SPINK5: variants seen among roughly 807,000 people sequenced by gnomAD.
SPINK5 encodes serine protease inhibitor Kazal-type 5.
Under a neutral mutation model 151.8 loss-of-function variants are expected in SPINK5, and 125 were observed. That is an observed-to-expected ratio of 0.82 (90% CI 0.71 to 0.96). The LOEUF is 0.96. Among genes scored for constraint, SPINK5 ranks in the 40% least tolerant of loss-of-function variants. The pLI is 0.00. For missense variants in SPINK5, 1,194 were observed against 1,291.9 expected (o/e 0.92, Z 1.16); for synonymous variants, 374 against 395.3 (o/e 0.95, Z 0.64).
chr5:148,084,826 T>C (rs1316975702), intron 4 of SPINK5, among the ~76,000 whole-genome samples: 2 of 151,902 alleles, frequency 1.3e-5, no homozygotes, highest in Non-Finnish European at 2.9e-5. Context: ...CAAATGTTTT[T>C]GCCACTATAT....
At position 148,123,511 on chromosome 5, in the gene SPINK5, CAATATATGTGTATATATA is replaced by C. The variant is rs1440032482; in HGVS notation, c.2539-321_2539-304del. ...TTGTCCAGCCTGGAGTGCAGTGGTG[CAATATATGTGTATATATA>C]TATATATATATATATATATATAATC... is the stretch of plus-strand genomic sequence containing the variant. On this transcript the variant is annotated intron_variant, in intron 26 of 32. Transcript: ENST00000256084. 1.7e-4 allele frequency among the ~76,000 whole-genome samples: 9 copies of C among 53,438 alleles called. No homozygotes were observed. In the East Asian group the frequency reaches 2.5e-3, roughly 15 times the overall value. 35.1% of individuals were successfully genotyped at this position (53,438 alleles called of 152,430 possible).
rs776454830 is a variant in SPINK5, at chr5:148,123,978, T to C, written c.2666+18T>C. On this transcript the variant is annotated intron_variant, in intron 27 of 32. Coordinates refer to ENST00000256084, the MANE Select transcript of SPINK5 (RefSeq NM_006846.4). ...AGCATCTTGTACGTAAAAAGGTTTATCAATAAATTTGATAGTTGTGCCTGT... is the reference window on the plus strand; with the variant it reads ...AGCATCTTGTACGTAAAAAGGTTTACCAATAAATTTGATAGTTGTGCCTGT... The C allele has an allele frequency of 3.7e-6, 6 of 1,613,292 alleles. No individual in the cohort carries two copies. Among genetic ancestry groups the C allele is most frequent in the Non-Finnish European group, 4.2e-6 (5 of 1,179,714 alleles).
chr5:148,090,251 G>C (rs1166519986), intron 7 of SPINK5, among the ~76,000 whole-genome samples: 3 of 151,774 alleles, frequency 2.0e-5, no homozygotes, highest in African/African-American at 7.3e-5. Flanking sequence ...ACCTTAAATT[G>C]CTATATTTAC....
chr5:148,120,799 A>G (rs1754237466), intron 26 of SPINK5, among the ~76,000 whole-genome samples: 1 of 152,130 alleles, frequency 6.6e-6, no homozygotes, highest in South Asian at 2.1e-4. Flanking sequence ...TTAAACAAAT[A>G]AATATCAAGC....
chr5:148,133,037 T>A (rs11168032), intron 31 of SPINK5, among the ~76,000 whole-genome samples: 77,721 of 151,944 alleles, frequency 0.51, 22,018 homozygotes, highest in Non-Finnish European at 0.63. Context: ...ATCAACTTTA[T>A]AGACCCATAA....
At chr5:148,083,082 T>C (rs1261026476) in intron 4 of SPINK5, among the ~76,000 whole-genome samples, 2 of 151,362 alleles carry the variant, frequency 1.3e-5, no homozygotes. Context: ...CTGTTTGTTA[T>C]TGTTTGACAT....
intron 32 of SPINK5, 160 bp downstream of exon 32, chr5:148,134,047 A>T (rs1161315588): frequency 1.4e-6 from 1 of 718,902 alleles, no homozygotes; most frequent in South Asian, 1.5e-5. Context: ...AAGGATAATT[A>T]AGTAATTACT....
chr5:148,097,890 T>A lies in SPINK5; in HGVS notation c.906T>A (p.Asn302Lys), dbSNP rs760191726. Residue 302 changes from asparagine (N) to lysine (K), a missense_variant, in exon 11 of 33, where the codon AAT becomes AAA. Transcript: ENST00000256084. ...AGAAACTCTGCAGTCAATATCAAAA[T>A]CAGGCAAAGAATGGAATACTTTTCT... ...EIVKLCSQYQ[N>K]QAKNGILFCT... The A allele has an allele frequency of 3.7e-6, 6 of 1,611,542 alleles. No homozygotes were observed. The highest frequency in any genetic ancestry group is 4.2e-6 in the Non-Finnish European group (5 of 1,178,136).
chr5:148,099,122 G>T, intron 11 of SPINK5, 112 bp from the exon 12 acceptor site: 2 of 945,800 alleles, frequency 2.1e-6, no homozygotes, highest in South Asian at 2.9e-5. Context: ...GTGATAAAGG[G>T]ACAAAATTGT....
chr5:148,117,949 ATAAT>A (rs1340840777), intron 22 of SPINK5, among the ~76,000 whole-genome samples: 5 of 152,098 alleles, frequency 3.3e-5, no homozygotes, highest in Admixed American at 3.3e-4. Flanking sequence ...CTCATCTCTT[ATAAT>A]TACAACATGG....
At position 148,101,409 on chromosome 5, in the gene SPINK5, A is replaced by G; in HGVS notation, c.1275A>G (p.Arg425=). The change falls in exon 14 of 33, where the codon AGA becomes AGG. Residue 425 remains arginine, a synonymous_variant. Coordinates refer to ENST00000256084, the MANE Select transcript of SPINK5 (RefSeq NM_006846.4). ...KKKEGKSRNK[R]QSKSTASFEE... is the part of the protein sequence containing the mutation. ...AGGAAGGTAAATCAAGAAACAAAAG[A>G]CAATCTAAGAGTACAGCTTCCTTTG... The G allele has an allele frequency of 1.2e-6, 2 of 1,611,808 alleles. No individual in the cohort carries two copies. The highest frequency in any genetic ancestry group is 1.7e-4 in the Middle Eastern group (1 of 6,052).
chr5:148,113,433 G>A (rs1019235339), intron 20 of SPINK5, among the ~76,000 whole-genome samples: 2 of 152,186 alleles, frequency 1.3e-5, no homozygotes, highest in African/African-American at 2.4e-5. Context: ...TGATACCACA[G>A]CCAGCCTTCT....
At chr5:148,122,544 ACATT>A (rs1217470357) in intron 26 of SPINK5, among the ~76,000 whole-genome samples, 1 of 150,704 alleles carries the variant, frequency 6.6e-6, no homozygotes, top group Non-Finnish European at 1.5e-5. Context: ...AGATTTTAGT[ACATT>A]CTAGATCCTA....
In SPINK5 at chr5:148,097,964, G is replaced by T; in HGVS notation, c.980G>T (p.Gly327Val). ...CGTGGTCCAGATGGGAAAATGCATG[G>T]CAACTTGTGTTCCATGTGTCAAGCC... is the stretch of plus-strand genomic sequence containing the variant. ...PIRGPDGKMH[G>V]NLCSMCQAYF... The change falls in exon 11 of 33, where the codon GGC (glycine) becomes GTC (valine). Residue 327 changes from glycine to valine, a missense_variant. Transcript: ENST00000256084. The T allele has an allele frequency of 6.2e-7, 1 of 1,612,124 alleles. No individual in the cohort carries two copies. Among genetic ancestry groups the T allele is most frequent in the African/African-American group, 1.3e-5 (1 of 74,940 alleles).
rs150065817 is a variant in SPINK5 at position 148,133,758 on chromosome 5, A to G, written c.3096-39A>G. On this transcript the variant is annotated intron_variant, in intron 31 of 32. Coordinates refer to ENST00000256084, the MANE Select transcript of SPINK5 (RefSeq NM_006846.4). ...TATTTATTTTCTTATTATAACTGAG[A>G]ACTTCCTCGTTGTTGAAGCATCCTC... The G allele has an allele frequency of 8.6e-4, 1,382 of 1,600,394 alleles. 8 individuals are homozygous for G. The African/African-American group carries it at 0.017, about 19-fold the overall frequency.
chr5:148,132,708 G>A (rs904373560), intron 31 of SPINK5, among the ~76,000 whole-genome samples: 1 of 151,964 alleles, frequency 6.6e-6, no homozygotes, highest in Non-Finnish European at 1.5e-5. Context: ...TTATTTCTAA[G>A]ACAGTAGTTC....
chr5:148,078,634 C>T (rs115217507), intron 4 of SPINK5, among the ~76,000 whole-genome samples: 3 of 150,006 alleles, frequency 2.0e-5, no homozygotes, highest in South Asian at 2.1e-4. Flanking sequence ...GAAAATGAAT[C>T]GTGAAAATCC....
At chr5:148,103,083 C>T (rs1206031544) in intron 15 of SPINK5, among the ~76,000 whole-genome samples, 2 of 152,008 alleles carry the variant, frequency 1.3e-5, no homozygotes, top group Admixed American at 6.6e-5. Context: ...GCAATATAAT[C>T]CAGCATATTT....
At chr5:148,068,281 G>C (rs1752635638) in intron 2 of SPINK5, among the ~76,000 whole-genome samples, 1 of 151,922 alleles carries the variant, frequency 6.6e-6, no homozygotes, top group Non-Finnish European at 1.5e-5. Flanking sequence ...CCCAGGGCTG[G>C]TCTGTGATAT....
Sources: allele counts gnomAD v4.1 joint callset (sites outside exome capture counted in the v4.1 genomes callset), GRCh38; gene constraint gnomAD v4.1.1; transcripts MANE v1.5; gene names NCBI Gene and HGNC (gene_info 2026-07-23, HGNC 2026-07-21).